CDK12: variants seen among roughly 807,000 people sequenced by gnomAD.
CDK12 encodes the protein cyclin dependent kinase 12, also known as cyclin-dependent kinase 12.
In CDK12, 17 loss-of-function variants were observed where a neutral mutation model predicts 133.8. The ratio of observed to expected loss-of-function variants is 0.13; its 90% CI spans 0.09 to 0.19. CDK12 has a LOEUF of 0.19. Ranked by LOEUF, CDK12 falls within the 10% of genes least tolerant of loss-of-function variation. CDK12 has a pLI of 1.00. For missense variants in CDK12, 1,508 were observed against 1,818.7 expected, an observed-to-expected ratio of 0.83 and a Z score of 3.11; for synonymous variants, 694 against 683.6, an observed-to-expected ratio of 1.02 and a Z score of -0.24.
In CDK12 at chr17:39,465,114, C is replaced by T. The variant is rs185336586; in HGVS notation, c.1046+1997C>T. Among the ~76,000 whole-genome samples the T allele has an allele frequency of 3.7e-3, 568 of 151,820 alleles. 3 individuals carry two copies. Among genetic ancestry groups the T allele is most frequent in the Middle Eastern group, 6.8e-3 (2 of 294 alleles). On this transcript the variant is annotated intron_variant, in intron 1 of 13. Transcript: ENST00000447079. ...ATAAAAAATTAGTTGGGTGTGGTGG[C>T]GTGCGCCTGTAGTCCCAGCTACTCG...
At chr17:39,487,324 A>G (rs2051211965) in intron 2 of CDK12, among the ~76,000 whole-genome samples, 1 of 152,214 alleles carries the variant, frequency 6.6e-6, no homozygotes, top group Admixed American at 6.6e-5. Context: ...TTTTATGGAA[A>G]ATTCACACAC....
intron 5 of CDK12, 32 bp from the exon 6 acceptor site, chr17:39,501,218 C>A (rs1310050536): frequency 7.7e-7 from 1 of 1,294,580 alleles, no homozygotes; most frequent in Non-Finnish European, 1.0e-6. Context: ...TTTTTTTTTT[C>A]TTGCTTTTAA....
intron 2 of CDK12, among the ~76,000 whole-genome samples, chr17:39,482,078 A>G (rs2050762259): frequency 1.5e-5 from 2 of 130,518 alleles, no homozygotes; most frequent in South Asian, 2.8e-4. Context: ...CAGTGTTGTG[A>G]TCTCCACTCA....
intron 2 of CDK12, among the ~76,000 whole-genome samples, chr17:39,478,413 C>T (rs185873211): frequency 2.6e-4 from 39 of 152,070 alleles, no homozygotes; most frequent in Admixed American, 3.3e-4. Flanking sequence ...AGGCTGGTCC[C>T]GAACTCCTGA....
At chr17:39,535,624 A>T (rs560860528), downstream of CDK12, among the ~76,000 whole-genome samples, 1 of 152,170 alleles carries the variant, frequency 6.6e-6, no homozygotes, top group Non-Finnish European at 1.5e-5. Context: ...GGACCTTACT[A>T]ACCTAGATTT....
At chr17:39,528,212 A>C (rs2054608474) in intron 13 of CDK12, among the ~76,000 whole-genome samples, 1 of 152,068 alleles carries the variant, frequency 6.6e-6, no homozygotes, top group African/African-American at 2.4e-5. Flanking sequence ...GAACCACCAC[A>C]CCCAGCCAAA....
chr17:39,540,803 C>T (rs578020193), intron 1 of CDK12, among the ~76,000 whole-genome samples: 2 of 152,276 alleles, frequency 1.3e-5, no homozygotes, highest in African/African-American at 4.8e-5. Flanking sequence ...CCGAATGAGC[C>T]CATTAGCCAG....
chr17:39,464,476 T>TC (rs1428463795), intron 1 of CDK12, among the ~76,000 whole-genome samples: 1 of 150,318 alleles, frequency 6.7e-6, no homozygotes, highest in African/African-American at 2.5e-5. Flanking sequence ...GCTCAAGCAA[T>TC]CCTCCTGCCT....
intron 1 of CDK12, among the ~76,000 whole-genome samples, chr17:39,540,908 C>T (rs997958701): frequency 6.6e-6 from 1 of 152,184 alleles, no homozygotes; most frequent in Non-Finnish European, 1.5e-5. Context: ...CCTGCGGGAG[C>T]CCTTAGCTTC....
Position 39,462,646 on chromosome 17 carries a change from C to G in CDK12, c.575C>G (p.Ser192Cys), listed in dbSNP as rs759887608. 4.3e-6 allele frequency: 7 copies of G among 1,614,090 alleles called. No individual in the cohort carries two copies. Among genetic ancestry groups the G allele is most frequent in the Non-Finnish European group, 5.9e-6 (7 of 1,180,028 alleles). Residue 192 changes from serine to cysteine, a missense_variant, in exon 1 of 14, where the codon TCT becomes TGT. Physicochemically the swap from Ser to Cys is moderately radical, Grantham distance 112. This residue lies in a region of CDK12 where 460 missense variants were observed against 490.8 expected (regional missense o/e 0.94). Coordinates refer to ENST00000447079, the MANE Select transcript of CDK12 (RefSeq NM_016507.4). ...EKTRKERELK[S>C]GHKDRSKSHR... ...ACCAGGAAAGAACGGGAGCTGAAGT[C>G]TGGGCACAAAGACCGGAGTAAAAGT...
downstream of CDK12, among the ~76,000 whole-genome samples, chr17:39,537,957 T>G (rs1022659081): frequency 2.6e-5 from 4 of 152,068 alleles, no homozygotes; most frequent in Non-Finnish European, 5.9e-5. Flanking sequence ...TCTTAGAGAT[T>G]CACAGTTCAT....
chr17:39,516,905 C>T (rs567791841), intron 9 of CDK12, among the ~76,000 whole-genome samples: 9 of 151,998 alleles, frequency 5.9e-5, no homozygotes, highest in South Asian at 2.1e-4. Context: ...CCTCATGATC[C>T]GCCCACCTCG....
chr17:39,553,731 G>A (rs531003466), intron 2 of CDK12, among the ~76,000 whole-genome samples: 7 of 152,374 alleles, frequency 4.6e-5, no homozygotes, highest in South Asian at 2.1e-4. Flanking sequence ...TATCTGCCTG[G>A]CTGGAGGAAG....
chr17:39,531,989 A>G lies in CDK12; in HGVS notation c.*673A>G, dbSNP rs777171296. ...AGTTTACTCCACTTTGACAAAAGAT[A>G]CGCCCTTCTCCCTGCACATAAAGCA... On this transcript the variant is annotated 3_prime_UTR_variant, in exon 14 of 14. Coordinates refer to ENST00000447079, the MANE Select transcript of CDK12 (RefSeq NM_016507.4). 1.7e-5 allele frequency: 4 copies of G among 233,742 alleles called. No individual in the cohort carries two copies. Among genetic ancestry groups the G allele is most frequent in the Non-Finnish European group, 3.4e-5 (4 of 118,068 alleles). The allele number at this position is 233,742 out of a possible 1,614,324, so 14.5% of individuals were successfully genotyped here.
At chr17:39,537,266 C>G (rs938319964), downstream of CDK12, among the ~76,000 whole-genome samples, 3 of 152,134 alleles carry the variant, frequency 2.0e-5, no homozygotes, top group African/African-American at 7.2e-5. Context: ...GTAGATGACC[C>G]TCCTCACCAA....
chr17:39,507,191 C>A (rs953618442), intron 6 of CDK12, among the ~76,000 whole-genome samples: 4 of 151,966 alleles, frequency 2.6e-5, no homozygotes, highest in Non-Finnish European at 4.4e-5. Flanking sequence ...CCACTGCGCC[C>A]GGCCTGTTCT....
chr17:39,564,801 G>A (rs1487906843), exon 4 of CDK12: 1 of 152,258 alleles, frequency 6.6e-6, no homozygotes, highest in African/African-American at 2.4e-5. Context: ...TCCGCAGCCT[G>A]AAGAAAGAAG....
In CDK12 at chr17:39,474,407, C is replaced by G. The variant is rs145462226; in HGVS notation, c.1931+2644C>G. On this transcript the variant is annotated intron_variant, in intron 2 of 13. Transcript: ENST00000447079. ...GATCTGGGCTTATTGCAACTTCTGC[C>G]TCCCAGACTCAAGTGATCCTCCCAC... 9.9e-4 allele frequency among the ~76,000 whole-genome samples: 151 copies of G among 152,272 alleles called. 1 individual carries two copies. The highest frequency in any genetic ancestry group is 3.5e-3 in the African/African-American group (145 of 41,566).
At chr17:39,543,727 A>G (rs1333000800), upstream of CDK12, among the ~76,000 whole-genome samples, 2 of 152,134 alleles carry the variant, frequency 1.3e-5, no homozygotes, top group African/African-American at 4.8e-5. Context: ...TGATAGACCT[A>G]CTTGTCCAGA....
Sources: allele counts gnomAD v4.1 joint callset (sites outside exome capture counted in the v4.1 genomes callset), GRCh38; gene constraint gnomAD v4.1.1; regional missense constraint gnomAD v4.1.1; transcripts MANE v1.5; gene names NCBI Gene and HGNC (gene_info 2026-07-23, HGNC 2026-07-21).